Variants in PWWP3B observed in about 807,000 individuals in gnomAD.
PWWP3B encodes the protein PWWP domain-containing DNA repair factor 3B.
A neutral mutation model predicts 15.7 loss-of-function variants in PWWP3B; 5 were observed. The observed-to-expected ratio is 0.32, with a 90% CI of 0.17 to 0.67. The LOEUF (loss-of-function observed/expected upper bound fraction) is 0.67, where lower values mean the gene tolerates loss of function less well. Among genes scored for constraint, PWWP3B ranks in the 30% least tolerant of loss-of-function variants. The probability of loss-of-function intolerance (pLI) is 0.74; values close to 1 mark genes in which losing one functional copy is unlikely to be tolerated. For synonymous variants in PWWP3B, 203 were observed against 179.8 expected (o/e 1.13, Z -1.03); for missense variants, 519 against 493.1 (o/e 1.05, Z -0.50).
At chrX:106,182,833 G>T (rs1402662136) in intron 2 of PWWP3B, among the ~76,000 whole-genome samples, 1 of 111,556 alleles carries the variant, frequency 9.0e-6, no homozygotes, top group Non-Finnish European at 1.9e-5. Context: ...GCAAGGAGCG[G>T]TGTTAAAGAT....
At chrX:106,189,916 G>A (rs184056352) in intron 2 of PWWP3B, among the ~76,000 whole-genome samples, 2 of 96,838 alleles carry the variant, frequency 2.1e-5, no homozygotes, top group Non-Finnish European at 4.2e-5. Context: ...CGCGCCCGGC[G>A]CCACATTTTC....
At chrX:106,201,913 C>T (rs1923727601) in intron 2 of PWWP3B, 1 of 111,786 alleles carries the variant, frequency 8.9e-6, no homozygotes, top group Admixed American at 9.5e-5. Flanking sequence ...GGAGTTAATC[C>T]TCTGGAATTT....
chrX:106,207,078 G>A lies in PWWP3B; in HGVS notation c.1646G>A (p.Arg549Gln). The A allele has an allele frequency of 3.3e-6, 4 of 1,206,789 alleles. No individual in the cohort carries two copies. Among genetic ancestry groups the A allele is most frequent in the South Asian group, 1.8e-5 (1 of 56,047 alleles). Residue 549 changes from arginine to glutamine, a missense_variant, in exon 4 of 4, where the codon CGG becomes CAG. Coordinates refer to ENST00000357175, the MANE Select transcript of PWWP3B (RefSeq NM_001171020.2). ...CTCCCTGACCGGATGAAGGCTGCTC[G>A]GGACCGAGCCAACAAGAACCTGGTG... is the stretch of plus-strand genomic sequence containing the variant. Reference protein sequence around the residue: ...KILPDRMKAARDRANKNLVDF... With the variant: ...KILPDRMKAAQDRANKNLVDF...
chrX:106,193,090 G>T (rs928323618), intron 2 of PWWP3B, among the ~76,000 whole-genome samples: 9 of 110,037 alleles, frequency 8.2e-5, no homozygotes, highest in African/African-American at 3.0e-4. Flanking sequence ...CAATTCCTGG[G>T]TATTGTTAAC....
intron 2 of PWWP3B, among the ~76,000 whole-genome samples, chrX:106,177,730 CAA>C (rs1216373379): frequency 1.8e-5 from 2 of 111,623 alleles, no homozygotes; most frequent in African/African-American, 6.5e-5. Flanking sequence ...TGTAAACACA[CAA>C]AGAGAATGAC....
chrX:106,207,933 C>A lies in PWWP3B; in HGVS notation c.*410C>A, dbSNP rs1437844516. ...TTGGAAAAAAGTCTGAAAGATACATCATTTCTATATTCCTTGCTTAATTTT... is the reference window on the plus strand; with the variant it reads ...TTGGAAAAAAGTCTGAAAGATACATAATTTCTATATTCCTTGCTTAATTTT... On this transcript the variant is annotated 3_prime_UTR_variant, in exon 4 of 4. Coordinates refer to ENST00000357175, the MANE Select transcript of PWWP3B (RefSeq NM_001171020.2). 7.9e-6 allele frequency: 1 copy of A among 127,248 alleles called. No individual in the cohort carries two copies. Among genetic ancestry groups the A allele is most frequent in the Non-Finnish European group, 1.8e-5 (1 of 56,130 alleles). The allele number at this position is 127,248 out of a possible 1,213,427, so 10.5% of individuals were successfully genotyped here.
At chrX:106,180,218 G>A (rs1378135336) in intron 2 of PWWP3B, among the ~76,000 whole-genome samples, 1 of 111,131 alleles carries the variant, frequency 9.0e-6, no homozygotes, top group Non-Finnish European at 1.9e-5. Flanking sequence ...TAGGAATAGT[G>A]TCCCCAACAT....
chrX:106,192,353 T>C (rs1443650034), intron 2 of PWWP3B, among the ~76,000 whole-genome samples: 21 of 111,989 alleles, frequency 1.9e-4, no homozygotes, highest in Non-Finnish European at 2.8e-4. Flanking sequence ...TATTCTCTGA[T>C]GGTAGTTTGT....
intron 2 of PWWP3B, among the ~76,000 whole-genome samples, chrX:106,193,683 G>T (rs1469357689): frequency 8.9e-6 from 1 of 112,120 alleles, no homozygotes; most frequent in Non-Finnish European, 1.9e-5. Context: ...GGTACTGGTT[G>T]TTCCTTTCCA....
intron 2 of PWWP3B, among the ~76,000 whole-genome samples, chrX:106,193,111 A>G (rs934353311): frequency 6.3e-5 from 7 of 111,283 alleles, no homozygotes; most frequent in African/African-American, 1.6e-4. Context: ...TTTCTGTCTC[A>G]TTGATCTGTC....
intron 2 of PWWP3B, among the ~76,000 whole-genome samples, chrX:106,184,008 C>T (rs1048330984): frequency 8.9e-6 from 1 of 111,799 alleles, no homozygotes; most frequent in Admixed American, 9.5e-5. Context: ...TTGCAAACCT[C>T]ACTGGTAACA....
In PWWP3B at chrX:106,187,401, T is replaced by C. The variant is rs1393193383; in HGVS notation, c.-401+16262T>C. The stretch of plus-strand genomic sequence containing the variant: ...TTTATTTATTGGCATGTGTAAGTTT[T>C]GCCTGGGAATATCTACACATTGCCT... On this transcript the variant is annotated intron_variant, in intron 2 of 3. Coordinates refer to ENST00000357175, the MANE Select transcript of PWWP3B (RefSeq NM_001171020.2). Among the ~76,000 whole-genome samples, 3 of 112,066 alleles carry C rather than the reference T, an allele frequency of 2.7e-5. No homozygotes were observed. In the Admixed American group the frequency reaches 2.8e-4, roughly 11 times the overall value.
intron 2 of PWWP3B, among the ~76,000 whole-genome samples, chrX:106,171,413 G>A (rs991547349): frequency 1.8e-5 from 2 of 111,266 alleles, no homozygotes; most frequent in Non-Finnish European, 3.8e-5. Context: ...TCATGCAAGA[G>A]GCTATGCAGG....
Position 106,207,643 on chromosome X carries a change from T to G in PWWP3B, c.*120T>G. The G allele has an allele frequency of 1.5e-6, 1 of 655,903 alleles. No homozygotes were observed. Among genetic ancestry groups the G allele is most frequent in the Non-Finnish European group, 2.1e-6 (1 of 466,885 alleles). The allele number at this position is 655,903 out of a possible 1,213,427, so 54.1% of individuals were successfully genotyped here. On this transcript the variant is annotated 3_prime_UTR_variant, in exon 4 of 4. Transcript: ENST00000357175. The stretch of plus-strand genomic sequence containing the variant: ...ATGGGAGCATGGATAATGTGTTCAC[T>G]TTTTTTTGAGATCTCTAGGATCTGT...
intron 2 of PWWP3B, among the ~76,000 whole-genome samples, chrX:106,196,148 AACTT>A (rs1284040187): frequency 2.7e-5 from 3 of 111,789 alleles, no homozygotes; most frequent in African/African-American, 9.7e-5. Flanking sequence ...ATTATTATTA[AACTT>A]ACTTATTAGG....
intron 3 of PWWP3B, among the ~76,000 whole-genome samples, chrX:106,204,803 G>T (rs1001721447): frequency 8.9e-6 from 1 of 111,827 alleles, no homozygotes; most frequent in Non-Finnish European, 1.9e-5. Flanking sequence ...AAACTCTCAT[G>T]ATGGGGCCTA....
chrX:106,204,690 A>G (rs1248756191), intron 3 of PWWP3B, among the ~76,000 whole-genome samples: 2 of 112,297 alleles, frequency 1.8e-5, no homozygotes, highest in Non-Finnish European at 3.8e-5. Context: ...TTTCAACTAG[A>G]ACATTGCTCC....
chrX:106,204,866 T>C (rs1923899462), intron 3 of PWWP3B, among the ~76,000 whole-genome samples: 1 of 111,610 alleles, frequency 9.0e-6, no homozygotes, highest in Non-Finnish European at 1.9e-5. Flanking sequence ...GGAGACCCAC[T>C]GCTATAAGTA....
chrX:106,202,707 ATAT>A (rs200884519), intron 2 of PWWP3B, among the ~76,000 whole-genome samples: 1,576 of 112,230 alleles, frequency 0.014, 30 homozygotes, highest in African/African-American at 0.048. Context: ...AGTTTTCAAA[ATAT>A]TATATGGCAT....
Sources: gnomAD v4.1 joint callset for allele counts (sites outside exome capture counted in the v4.1 genomes callset) on GRCh38, gnomAD v4.1.1 for gene constraint, MANE v1.5 for transcripts, NCBI Gene and HGNC (gene_info 2026-07-23, HGNC 2026-07-21) for gene names.